Variants in RBFOX1 observed in about 807,000 individuals in gnomAD.
RBFOX1 encodes RNA binding fox-1 homolog 1.
In RBFOX1, 8 loss-of-function variants were observed where a neutral mutation model predicts 57.7. The ratio of observed to expected loss-of-function variants is 0.14; its 90% confidence interval spans 0.08 to 0.25. The LOEUF (loss-of-function observed/expected upper bound fraction) is 0.25. Ranked by LOEUF, RBFOX1 falls within the 10% of genes least tolerant of loss-of-function variation. RBFOX1 has a pLI of 1.00. For synonymous variants in RBFOX1, 326 were observed against 222.4 expected, an observed-to-expected ratio of 1.47 and a Z score of -4.15; for missense variants, 611 against 548.5, an observed-to-expected ratio of 1.11 and a Z score of -1.14.
At chr16:6,679,599 C>T (rs935764767) in intron 3 of RBFOX1, among the ~76,000 whole-genome samples, 1 of 152,106 alleles carries the variant, frequency 6.6e-6, no homozygotes, top group East Asian at 1.9e-4. Context: ...ATGCTAAGAA[C>T]AAATAGATTG....
At chr16:5,554,256 C>T (rs998251993) in intron 2 of RBFOX1, among the ~76,000 whole-genome samples, 5 of 152,104 alleles carry the variant, frequency 3.3e-5, no homozygotes, top group Middle Eastern at 3.2e-3. Flanking sequence ...CAGGCATGAG[C>T]CACAATGCCT....
chr16:7,642,131 C>T (rs762603582), intron 11 of RBFOX1, among the ~76,000 whole-genome samples: 62 of 152,040 alleles, frequency 4.1e-4, no homozygotes, highest in Non-Finnish European at 7.5e-4. Context: ...ACCAAAGAAG[C>T]GGGTTTGGAT....
rs1314510725 is a variant in RBFOX1 at position 7,589,123 on chromosome 16, T to G, written c.468+1823T>G. Among the ~76,000 whole-genome samples, 4 of 152,230 alleles carry G rather than the reference T, an allele frequency of 2.6e-5. No homozygotes were observed. The East Asian group carries it at 7.7e-4, about 29-fold the overall frequency. ...TGAGAGAAAAATGTGCCCAGCCTAA[T>G]TCTGTTCACTCGAGCCTTCTGTATT... On this transcript the variant is annotated intron_variant, in intron 7 of 15. Transcript: ENST00000550418.
Position 6,862,718 on chromosome 16 carries a change from C to G in RBFOX1, c.-15-189339C>G, listed in dbSNP as rs551447934. ...GATGCTGTTTAAGAATTGTCTGTGG[C>G]TCACACCTGTAATCCCGGCGCTTTG... On this transcript the variant is annotated intron_variant, in intron 3 of 15. Transcript: ENST00000550418. Among the ~76,000 whole-genome samples the G allele has an allele frequency of 4.6e-5, 7 of 152,302 alleles. No individual in the cohort carries two copies. In the South Asian group the frequency reaches 1.0e-3, roughly 23 times the overall value.
chr16:7,479,148 G>C (rs116061492), intron 4 of RBFOX1, among the ~76,000 whole-genome samples: 1 of 151,060 alleles, frequency 6.6e-6, no homozygotes, highest in Non-Finnish European at 1.5e-5. Context: ...TTTAGGGACA[G>C]GGTCTCGGTC....
rs571568799 is a variant in RBFOX1, at chr16:6,630,316, C to G, written c.-63-24287C>G. Among the ~76,000 whole-genome samples, 10 of 152,274 alleles carry G rather than the reference C, an allele frequency of 6.6e-5. No homozygotes were observed. In the South Asian group the frequency reaches 2.1e-3, roughly 32 times the overall value. On this transcript the variant is annotated intron_variant, in intron 2 of 15. Coordinates refer to ENST00000550418, the MANE Select transcript of RBFOX1 (RefSeq NM_018723.4). ...AAAAGAGAAAGGAGAGGAGAGAAGA[C>G]ATTAATTTCAAAATCCATCCATCCA...
intron 1 of RBFOX1, among the ~76,000 whole-genome samples, chr16:5,440,074 T>G (rs543414224): frequency 5.8e-4 from 89 of 152,210 alleles, no homozygotes; most frequent in Non-Finnish European, 1.1e-3. Flanking sequence ...TTCAAGATGA[T>G]TTATCCTCCT....
chr16:5,884,588 C>A (rs2057850879), intron 4 of RBFOX1, among the ~76,000 whole-genome samples: 1 of 151,922 alleles, frequency 6.6e-6, no homozygotes, highest in African/African-American at 2.4e-5. Context: ...TAATGTATGA[C>A]TTTTTCCAAC....
At chr16:6,074,825 G>T (rs1310710973) in intron 1 of RBFOX1, among the ~76,000 whole-genome samples, 2 of 152,210 alleles carry the variant, frequency 1.3e-5, no homozygotes, top group Non-Finnish European at 2.9e-5. Flanking sequence ...AATATGCTGA[G>T]TTTGGTGGCT....
intron 3 of RBFOX1, among the ~76,000 whole-genome samples, chr16:5,656,069 G>A (rs2049419471): frequency 6.6e-6 from 1 of 152,158 alleles, no homozygotes; most frequent in African/African-American, 2.4e-5. Context: ...CTTTTCTGGA[G>A]TAATGAATAA....
chr16:6,186,116 A>C (rs2097103580), intron 1 of RBFOX1, among the ~76,000 whole-genome samples: 1 of 152,202 alleles, frequency 6.6e-6, no homozygotes, highest in Non-Finnish European at 1.5e-5. Context: ...TCTGTATATG[A>C]ATTCATTTTT....
intron 14 of RBFOX1, among the ~76,000 whole-genome samples, chr16:7,696,229 T>TC (rs1400221767): frequency 6.6e-6 from 1 of 152,172 alleles, no homozygotes; most frequent in East Asian, 1.9e-4. Flanking sequence ...TTTTGGTTTT[T>TC]CCCAAAGAAT....
chr16:7,104,795 C>G (rs546486421), intron 4 of RBFOX1, among the ~76,000 whole-genome samples: 1 of 152,028 alleles, frequency 6.6e-6, no homozygotes, highest in South Asian at 2.1e-4. Flanking sequence ...TTGTGACTTG[C>G]AAAAATAACC....
chr16:6,365,094 T>TA (rs71145218), intron 2 of RBFOX1, among the ~76,000 whole-genome samples: 100,025 of 151,652 alleles, frequency 0.66, 34,301 homozygotes, highest in African/African-American at 0.85. Flanking sequence ...GATTCACCCT[T>TA]AAAAAAAAGG....
intron 4 of RBFOX1, among the ~76,000 whole-genome samples, chr16:7,156,374 C>G (rs78991179): frequency 4.0e-5 from 6 of 151,576 alleles, no homozygotes; most frequent in Admixed American, 3.3e-4. Context: ...TATACATATG[C>G]GTGTACATAT....
In RBFOX1 at chr16:5,789,730, T is replaced by C. The variant is rs76308399; in HGVS notation, c.319-77573T>C. Among the ~76,000 whole-genome samples, 1,071 of 152,300 alleles carry C rather than the reference T, an allele frequency of 7.0e-3. 7 individuals carry two copies. The highest frequency in any genetic ancestry group is 0.012 in the Non-Finnish European group (786 of 68,022). ...ATAGAAGCTCAAAAATGTTAAATAA[T>C]CTGCCATAAGTTCCCAGGCTCACAA... is the stretch of plus-strand genomic sequence containing the variant. On this transcript the variant is annotated intron_variant, in intron 3 of 19. Transcript: ENST00000641259.
intron 4 of RBFOX1, among the ~76,000 whole-genome samples, chr16:5,908,334 G>A (rs62013865): frequency 0.28 from 39,235 of 138,388 alleles, 6,428 homozygotes; most frequent in East Asian, 0.46. Context: ...ATATATATAT[G>A]TGTGTGTGTG....
chr16:7,536,803 A>G (rs545291197), intron 5 of RBFOX1, among the ~76,000 whole-genome samples: 13 of 152,200 alleles, frequency 8.5e-5, no homozygotes, highest in East Asian at 1.9e-4. Flanking sequence ...GGGTGAGAGT[A>G]TTTACACTAT....
At chr16:5,284,574 C>G (rs1158319384) in intron 1 of RBFOX1, among the ~76,000 whole-genome samples, 3 of 142,776 alleles carry the variant, frequency 2.1e-5, no homozygotes, top group African/African-American at 7.8e-5. Context: ...TGGAGTCTCA[C>G]TCTGTGACCC....
Sources: allele counts gnomAD v4.1 joint callset (sites outside exome capture counted in the v4.1 genomes callset), GRCh38; gene constraint gnomAD v4.1.1; transcripts MANE v1.5; gene names NCBI Gene and HGNC (gene_info 2026-07-23, HGNC 2026-07-21).